The following IQCE variants were observed in gnomAD, a reference collection of about 807,000 sequenced individuals.
The protein encoded by IQCE is IQ motif containing E.
Under a neutral mutation model 96.0 loss-of-function variants are expected in IQCE, and 115 were observed. The ratio of observed to expected loss-of-function variants is 1.20; its 90% CI spans 1.03 to 1.40. IQCE has a LOEUF of 1.40. Ranked by LOEUF, IQCE falls within the 40% of genes most tolerant of loss-of-function variation. The pLI is 0.00. For synonymous variants in IQCE, 412 were observed against 371.2 expected, an observed-to-expected ratio of 1.11 and a Z score of -1.26; for missense variants, 1,041 against 909.1, an observed-to-expected ratio of 1.15 and a Z score of -1.87.
At chr7:2,608,346 G>C (rs899584494) in intron 21 of IQCE, among the ~76,000 whole-genome samples, 2 of 152,244 alleles carry the variant, frequency 1.3e-5, no homozygotes, top group Admixed American at 1.3e-4. Flanking sequence ...TCCCCAGGGG[G>C]TCCCGCTAGG....
chr7:2,598,360 G>T (rs1401602066), intron 16 of IQCE, 105 bp from the exon 17 acceptor site: 1 of 1,153,562 alleles, frequency 8.7e-7, no homozygotes, highest in Non-Finnish European at 1.2e-6. Flanking sequence ...AGACTCACCT[G>T]ATAAGCGCAG....
chr7:2,591,362 G>C (rs61423266), intron 14 of IQCE, among the ~76,000 whole-genome samples: 3,749 of 152,258 alleles, frequency 0.025, 154 homozygotes, highest in African/African-American at 0.083. Context: ...CTGTGGCCGT[G>C]GAACACCCGG....
chr7:2,573,268 G>T, intron 5 of IQCE, 150 bp from the exon 6 acceptor site: 1 of 569,316 alleles, frequency 1.8e-6, no homozygotes, highest in Non-Finnish European at 3.1e-6. Context: ...ATCATGATCA[G>T]GCTGGAAAAC....
chr7:2,606,460 C>T (rs185123234), intron 20 of IQCE, among the ~76,000 whole-genome samples: 3 of 152,242 alleles, frequency 2.0e-5, no homozygotes, highest in East Asian at 1.9e-4. Flanking sequence ...CTAGGACTCT[C>T]GGTTGCAGAA....
At chr7:2,571,361 T>A in intron 3 of IQCE, 165 bp from the exon 4 acceptor site, 1 of 790,700 alleles carries the variant, frequency 1.3e-6, no homozygotes, top group South Asian at 1.5e-5. Flanking sequence ...AGGAGAAATG[T>A]CAGTATATAG....
Position 2,614,126 on chromosome 7 carries a change from A to G in IQCE, c.*3964A>G, listed in dbSNP as rs1371760916. ...ATGGACCAGAAACCCCCTTCCTTGC[A>G]AAAAAAAGGCAATTGAATTAGGAAA... On this transcript the variant is annotated 3_prime_UTR_variant, in exon 22 of 22. Coordinates refer to ENST00000402050, the MANE Select transcript of IQCE (RefSeq NM_152558.5). 1.8e-5 allele frequency: 2 copies of G among 112,360 alleles called. No individual in the cohort carries two copies. The highest frequency in any genetic ancestry group is 1.8e-4 in the Admixed American group (2 of 10,938). 7.0% of individuals were successfully genotyped at this position (112,360 alleles called of 1,614,324 possible).
chr7:2,560,347 T>A (rs1003873528), intron 1 of IQCE, among the ~76,000 whole-genome samples: 26 of 152,212 alleles, frequency 1.7e-4, no homozygotes, highest in African/African-American at 6.3e-4. Flanking sequence ...GCAGGGAATT[T>A]GGATTTTATT....
chr7:2,570,459 G>C (rs2917752), intron 3 of IQCE, among the ~76,000 whole-genome samples: 118,537 of 151,108 alleles, frequency 0.78, 47,021 homozygotes, highest in African/African-American at 0.88. Context: ...GAGACTATCT[G>C]GGAGGCCAGG....
chr7:2,595,481 TAGCAGGGACCCGGC>T (rs1211152886), intron 16 of IQCE, among the ~76,000 whole-genome samples: 2 of 152,148 alleles, frequency 1.3e-5, no homozygotes, highest in African/African-American at 4.8e-5. Flanking sequence ...GAGTGACTGT[TAGCAGGGACCCGGC>T]AGGTGAGCAG....
At chr7:2,595,321 G>A (rs933976241) in intron 16 of IQCE, among the ~76,000 whole-genome samples, 1 of 152,168 alleles carries the variant, frequency 6.6e-6, no homozygotes, top group Non-Finnish European at 1.5e-5. Context: ...GCTCAACCAG[G>A]CCCCTGCATG....
intron 6 of IQCE, among the ~76,000 whole-genome samples, chr7:2,573,983 G>A (rs1164789686): frequency 6.6e-6 from 1 of 152,150 alleles, no homozygotes; most frequent in Non-Finnish European, 1.5e-5. Flanking sequence ...TCTGTCCAAG[G>A]TTAACCAGTA....
intron 20 of IQCE, among the ~76,000 whole-genome samples, chr7:2,606,219 G>A (rs1391690064): frequency 3.3e-5 from 5 of 152,214 alleles, no homozygotes; most frequent in Non-Finnish European, 7.3e-5. Flanking sequence ...GATCCTCGGG[G>A]GAGGCCTTTC....
chr7:2,606,019 G>T, intron 20 of IQCE, 22 bp downstream of exon 20: 1 of 1,598,584 alleles, frequency 6.3e-7, no homozygotes, highest in Non-Finnish European at 8.5e-7. Context: ...TCACGGGGAC[G>T]TGGGACACAG....
intron 16 of IQCE, 50 bp downstream of exon 16, chr7:2,595,026 G>A: frequency 1.5e-6 from 2 of 1,309,992 alleles, no homozygotes; most frequent in South Asian, 2.4e-5. Flanking sequence ...TGAGACTTTG[G>A]TCGTGACGGT....
At chr7:2,586,633 A>G (rs931389251) in intron 12 of IQCE, among the ~76,000 whole-genome samples, 2 of 152,102 alleles carry the variant, frequency 1.3e-5, no homozygotes, top group African/African-American at 4.8e-5. Flanking sequence ...GATGCGTGAC[A>G]TGTGTCAGAT....
chr7:2,574,279 A>G (rs1781963620), intron 6 of IQCE, among the ~76,000 whole-genome samples: 1 of 152,228 alleles, frequency 6.6e-6, no homozygotes, highest in African/African-American at 2.4e-5. Flanking sequence ...CCAGAGGGCA[A>G]TAGGGCATTG....
At chr7:2,606,717 T>C (rs2049530) in intron 20 of IQCE, among the ~76,000 whole-genome samples, 90,628 of 151,932 alleles carry the variant, frequency 0.6, 27,052 homozygotes, top group South Asian at 0.63. Flanking sequence ...TGGGACACAC[T>C]GTGGGCTCAG....
intron 3 of IQCE, among the ~76,000 whole-genome samples, chr7:2,569,592 T>C (rs1658907773): frequency 6.6e-6 from 1 of 152,134 alleles, no homozygotes; most frequent in Non-Finnish European, 1.5e-5. Context: ...CCTCTGTCTC[T>C]AATGCCGCTC....
intron 1 of IQCE, among the ~76,000 whole-genome samples, chr7:2,563,569 T>C (rs1379551266): frequency 1.3e-5 from 2 of 152,230 alleles, no homozygotes; most frequent in East Asian, 1.9e-4. Flanking sequence ...TTTTAAAATA[T>C]AGACATTTAC....
Sources: allele counts gnomAD v4.1 joint callset (sites outside exome capture counted in the v4.1 genomes callset), GRCh38; gene constraint gnomAD v4.1.1; transcripts MANE v1.5; gene names NCBI Gene and HGNC (gene_info 2026-07-23, HGNC 2026-07-21).